The following FRMPD4 variants were observed in gnomAD, a reference collection of about 807,000 sequenced individuals.
FRMPD4 encodes FERM and PDZ domain-containing protein 4.
In FRMPD4, 22 loss-of-function variants were observed where a neutral mutation model predicts 94.1. That is an observed-to-expected ratio of 0.23 (90% CI 0.17 to 0.33). FRMPD4 has a LOEUF of 0.33. Ranked by LOEUF, FRMPD4 falls within the 10% of genes least tolerant of loss-of-function variation. The pLI is 1.00. For missense variants in FRMPD4, 1,111 were observed against 1,339.9 expected, an observed-to-expected ratio of 0.83 and a Z score of 2.67; for synonymous variants, 631 against 548.6, an observed-to-expected ratio of 1.15 and a Z score of -2.10.
In FRMPD4 at chrX:12,716,127, A is replaced by C. The variant is rs1286880606; in HGVS notation, c.1668A>C (p.Gln556His). The stretch of plus-strand genomic sequence containing the variant: ...GCCCAGATTGGAACTGTATACCCCA[A>C]ATGACCACCTTTATTGGCGAAGGGG... ...LLGPDWNCIP[Q>H]MTTFIGEGEQ... Residue 556 changes from glutamine (Q) to histidine (H), a missense_variant, in exon 15 of 17, where the codon CAA (glutamine) becomes CAC (histidine). Around this residue, in one of 8 missense-constraint regions of FRMPD4, gnomAD observed 192 missense variants for 192.5 expected, o/e 1.00. Coordinates refer to ENST00000675598, the MANE Select transcript of FRMPD4 (RefSeq NM_001368397.1). The C allele has an allele frequency of 8.3e-7, 1 of 1,207,005 alleles. No individual in the cohort carries two copies. Among genetic ancestry groups the C allele is most frequent in the Non-Finnish European group, 1.1e-6 (1 of 892,307 alleles).
At chrX:12,153,476 A>C (rs1179513318) in intron 1 of FRMPD4, among the ~76,000 whole-genome samples, 1 of 112,090 alleles carries the variant, frequency 8.9e-6, no homozygotes, top group African/African-American at 3.2e-5. Context: ...AAGTAAGCTG[A>C]TGAAACACGC....
At chrX:12,524,196 A>G (rs1359928502) in intron 2 of FRMPD4, among the ~76,000 whole-genome samples, 1 of 111,937 alleles carries the variant, frequency 8.9e-6, no homozygotes, top group African/African-American at 3.3e-5. Context: ...CTGATTGGTT[A>G]CCTTCAGGTT....
At chrX:12,122,595 C>CTTTT (rs35343477) in intron 3 of FRMPD4, among the ~76,000 whole-genome samples, 1 of 102,304 alleles carries the variant, frequency 9.8e-6, no homozygotes, top group Non-Finnish European at 2.0e-5. Context: ...TTAACTGTAT[C>CTTTT]TTTTTTTTTT....
At position 12,166,962 on chromosome X, in the gene FRMPD4, C is replaced by G. The variant is rs1267237824; in HGVS notation, c.41+27950C>G. 3.6e-5 allele frequency among the ~76,000 whole-genome samples: 4 copies of G among 110,674 alleles called. 1 individual carries two copies. The highest frequency in any genetic ancestry group is 5.7e-5 in the Non-Finnish European group (3 of 52,921). On this transcript the variant is annotated intron_variant, in intron 1 of 16. Coordinates refer to ENST00000675598, the MANE Select transcript of FRMPD4 (RefSeq NM_001368397.1). ...TCTCTTTTTTTCTTTATTAGTCTTGCTAGTGGTCTATCAATTTTGTTGATC... is the reference window on the plus strand; with the variant it reads ...TCTCTTTTTTTCTTTATTAGTCTTGGTAGTGGTCTATCAATTTTGTTGATC...
At chrX:12,190,532 A>T (rs781743660) in intron 1 of FRMPD4, among the ~76,000 whole-genome samples, 40 of 110,737 alleles carry the variant, frequency 3.6e-4, no homozygotes, top group African/African-American at 1.2e-3. Context: ...TGGCAAAAGA[A>T]TAGACAAATC....
chrX:12,100,983 G>A (rs765375771), intron 3 of FRMPD4, among the ~76,000 whole-genome samples: 2 of 112,048 alleles, frequency 1.8e-5, no homozygotes, highest in Non-Finnish European at 1.9e-5. Context: ...TCTTACAAAC[G>A]TATTTAAGAA....
intron 3 of FRMPD4, among the ~76,000 whole-genome samples, chrX:12,056,769 A>C (rs1440116387): frequency 8.9e-6 from 1 of 111,875 alleles, no homozygotes; most frequent in African/African-American, 3.2e-5. Flanking sequence ...TGTTCTTTGT[A>C]ATGGCTATAT....
intron 2 of FRMPD4, among the ~76,000 whole-genome samples, chrX:11,871,333 A>G (rs2053755492): frequency 8.9e-6 from 1 of 111,793 alleles, no homozygotes; most frequent in Non-Finnish European, 1.9e-5. Flanking sequence ...GGGGAATCCA[A>G]CTGAAGACCA....
At chrX:12,223,309 G>A (rs1292025712) in intron 1 of FRMPD4, among the ~76,000 whole-genome samples, 1 of 112,058 alleles carries the variant, frequency 8.9e-6, no homozygotes, top group Non-Finnish European at 1.9e-5. Flanking sequence ...AGCAACATGG[G>A]TGCAGCTGGA....
intron 3 of FRMPD4, among the ~76,000 whole-genome samples, chrX:11,943,541 AG>A (rs1309648037): frequency 9.1e-6 from 1 of 110,394 alleles, no homozygotes; most frequent in Non-Finnish European, 1.9e-5. Context: ...AGAAAGCATG[AG>A]GGGCTGGGCT....
chrX:11,972,342 T>A (rs974591002), intron 3 of FRMPD4, among the ~76,000 whole-genome samples: 2 of 111,480 alleles, frequency 1.8e-5, no homozygotes, highest in Admixed American at 1.9e-4. Flanking sequence ...GAAAGAATGA[T>A]ATGCAAGAGG....
intron 2 of FRMPD4, among the ~76,000 whole-genome samples, chrX:11,871,289 T>C (rs1047982236): frequency 2.7e-5 from 3 of 111,895 alleles, no homozygotes; most frequent in African/African-American, 9.8e-5. Context: ...AAATACCACT[T>C]GCACTCAGAT....
At chrX:12,034,785 T>G (rs2054711434) in intron 3 of FRMPD4, among the ~76,000 whole-genome samples, 1 of 112,466 alleles carries the variant, frequency 8.9e-6, no homozygotes, top group South Asian at 3.7e-4. Flanking sequence ...TTAACTGATT[T>G]ATTCCTTTGC....
At position 11,995,279 on chromosome X, in the gene FRMPD4, T is replaced by C. The variant is rs190401324; in HGVS notation, c.95+117261T>C. Among the ~76,000 whole-genome samples, 726 of 111,877 alleles carry C rather than the reference T, an allele frequency of 6.5e-3. 4 individuals are homozygous for C. Among genetic ancestry groups the C allele is most frequent in the African/African-American group, 0.023 (702 of 30,876 alleles). On this transcript the variant is annotated intron_variant, in intron 3 of 18. Coordinates refer to the FRMPD4 transcript ENST00000640291. ...ACTACAGTTCTTTGAGACACAGCAG[T>C]CCCTAAAATTGGGCTTTCCTGACAT...
intron 1 of FRMPD4, among the ~76,000 whole-genome samples, chrX:12,463,869 C>A (rs1282893619): frequency 1.8e-5 from 2 of 109,206 alleles, no homozygotes; most frequent in African/African-American, 3.3e-5. Flanking sequence ...TAGAGAATTT[C>A]TAAGAAATTA....
intron 3 of FRMPD4, among the ~76,000 whole-genome samples, chrX:11,944,525 G>T (rs1040837569): frequency 1.8e-5 from 2 of 111,790 alleles, no homozygotes; most frequent in East Asian, 5.6e-4. Flanking sequence ...AAAATTAATA[G>T]AACCTAGATT....
chrX:11,907,942 T>A (rs1385552594), intron 3 of FRMPD4, among the ~76,000 whole-genome samples: 1 of 109,660 alleles, frequency 9.1e-6, no homozygotes, highest in Admixed American at 9.8e-5. Flanking sequence ...CTCCTCTTCC[T>A]CCTCCCTTTT....
At chrX:11,884,650 A>G (rs1303028167) in intron 3 of FRMPD4, among the ~76,000 whole-genome samples, 2 of 111,633 alleles carry the variant, frequency 1.8e-5, no homozygotes, top group African/African-American at 6.5e-5. Flanking sequence ...ACCAATATTC[A>G]TATTATAAAT....
At chrX:12,681,112 G>A (rs978169651) in intron 5 of FRMPD4, among the ~76,000 whole-genome samples, 7 of 111,858 alleles carry the variant, frequency 6.3e-5, no homozygotes, top group African/African-American at 1.3e-4. Flanking sequence ...CTGAACACAC[G>A]TGAAACATTT....
Sources: gnomAD v4.1 joint callset for allele counts (sites outside exome capture counted in the v4.1 genomes callset) on GRCh38, gnomAD v4.1.1 for gene constraint, gnomAD v4.1.1 regional missense constraint, MANE v1.5 for transcripts, NCBI Gene and HGNC (gene_info 2026-07-23, HGNC 2026-07-21) for gene names.